Variants in LY75 observed in about 807,000 individuals in gnomAD.
The protein encoded by LY75 is C-type lectin domain family 13 member B.
Under a neutral mutation model 231.7 loss-of-function variants are expected in LY75, and 185 were observed. The ratio of observed to expected loss-of-function variants is 0.80; its 90% CI spans 0.71 to 0.90. The LOEUF (loss-of-function observed/expected upper bound fraction) is 0.90, where lower values mean the gene tolerates loss of function less well. Ranked by LOEUF, LY75 falls within the 40% of genes least tolerant of loss-of-function variation. LY75 has a pLI of 0.00. For missense variants in LY75, 1,947 were observed against 2,050.2 expected (o/e 0.95, Z 0.97); for synonymous variants, 668 against 689.0 (o/e 0.97, Z 0.48).
At chr2:159,880,463 T>C (rs1055645301) in intron 8 of LY75, among the ~76,000 whole-genome samples, 6 of 152,214 alleles carry the variant, frequency 3.9e-5, no homozygotes, top group African/African-American at 1.4e-4. Flanking sequence ...AATATCACAC[T>C]GATGGCAGAA....
chr2:159,879,216 T>C, intron 9 of LY75, 43 bp downstream of exon 9: 1 of 1,597,804 alleles, frequency 6.3e-7, no homozygotes, highest in Non-Finnish European at 8.5e-7. Context: ...AACCAAGAAG[T>C]TGTAATACTG....
chr2:159,884,151 C>G (rs180833846), intron 6 of LY75, among the ~76,000 whole-genome samples: 1 of 152,202 alleles, frequency 6.6e-6, no homozygotes, highest in East Asian at 1.9e-4. Flanking sequence ...TGCCACCATT[C>G]ATGTAAGATG....
Position 159,842,230 on chromosome 2 carries a change from GATA to G in LY75, c.3280+12_3280+14del, listed in dbSNP as rs1318351725. 1 of 1,604,478 alleles carries G rather than the reference GATA, an allele frequency of 6.2e-7. No individual in the cohort carries two copies. Among genetic ancestry groups the G allele is most frequent in the Non-Finnish European group, 8.5e-7 (1 of 1,175,268 alleles). On this transcript the variant is annotated intron_variant, in intron 24 of 34. Transcript: ENST00000263636. ...TAGCATAAAGTACCATAGTTATCTA[GATA>G]ATAATTGTTACCTGAATATTTCTGA...
At chr2:159,880,945 C>T in intron 8 of LY75, 138 bp downstream of exon 8, 3 of 1,049,034 alleles carry the variant, frequency 2.9e-6, no homozygotes, top group South Asian at 1.8e-5. Context: ...GGTAATGGTC[C>T]GTGGCTCTGT....
chr2:159,898,192 A>G (rs570870208), intron 2 of LY75, among the ~76,000 whole-genome samples: 11 of 152,292 alleles, frequency 7.2e-5, no homozygotes, highest in Admixed American at 3.9e-4. Context: ...TACACACTAC[A>G]GCCTTGAACT....
chr2:159,835,716 G>A, intron 25 of LY75, 71 bp from the exon 26 acceptor site: 2 of 1,549,210 alleles, frequency 1.3e-6, no homozygotes, highest in Non-Finnish European at 1.7e-6. Flanking sequence ...TGACTCCCAT[G>A]GTCAATCTAA....
intron 13 of LY75, among the ~76,000 whole-genome samples, chr2:159,868,784 T>C (rs971487357): frequency 6.6e-6 from 1 of 152,172 alleles, no homozygotes; most frequent in African/African-American, 2.4e-5. Context: ...TTGCTTGGAA[T>C]CTAGAGCTTA....
Position 159,890,277 on chromosome 2 carries a change from T to C in LY75, c.738A>G (p.Ser246=), listed in dbSNP as rs758258361. ...GTAAATCAGCTCCTTGATTCTGACA[T>C]GAAACATAAGCTTCTTTCCAAGAAA... is the stretch of plus-strand genomic sequence containing the variant. ...TALSWKEAYV[S]CQNQGADLLS... Residue 246 remains serine (S), a synonymous_variant, in exon 4 of 35, where the codon TCA becomes TCG. Transcript: ENST00000263636. 3.1e-6 allele frequency: 5 copies of C among 1,613,602 alleles called. No homozygotes were observed. Among genetic ancestry groups the C allele is most frequent in the Non-Finnish European group, 3.4e-6 (4 of 1,179,704 alleles).
chr2:159,827,469 A>G (rs996259628), intron 28 of LY75, among the ~76,000 whole-genome samples: 15 of 152,352 alleles, frequency 9.8e-5, no homozygotes, highest in African/African-American at 3.6e-4. Flanking sequence ...CAGGTGCTGG[A>G]GAGGATGTGG....
rs574913697 is a variant in LY75, at chr2:159,828,973, A to G, written c.3958+2697T>C. 3.3e-5 allele frequency among the ~76,000 whole-genome samples: 5 copies of G among 152,352 alleles called. No individual in the cohort carries two copies. In the South Asian group the frequency reaches 1.0e-3, roughly 32 times the overall value. ...ACATTCAGGCAATCTGTAGAGACAG[A>G]AAGTAGATCAGTGGTTGCTGAGGAC... On this transcript the variant is annotated intron_variant, in intron 28 of 34. Coordinates refer to ENST00000263636, the MANE Select transcript of LY75 (RefSeq NM_002349.4).
intron 25 of LY75, among the ~76,000 whole-genome samples, chr2:159,838,225 C>T (rs1683893758): frequency 6.6e-6 from 1 of 152,136 alleles, no homozygotes; most frequent in South Asian, 2.1e-4. Flanking sequence ...TCATTGCTTT[C>T]AATGTAAAGT....
chr2:159,846,708 C>T (rs73967944), intron 23 of LY75, among the ~76,000 whole-genome samples: 7,190 of 152,058 alleles, frequency 0.047, 521 homozygotes, highest in African/African-American at 0.16. Flanking sequence ...ATATTTTTGG[C>T]ATTCAGACTT....
At position 159,848,420 on chromosome 2, in the gene LY75, G is replaced by A. The variant is rs546744955; in HGVS notation, c.3150+1560C>T. On this transcript the variant is annotated intron_variant, in intron 23 of 34. Transcript: ENST00000263636. The stretch of plus-strand genomic sequence containing the variant: ...GGGACTTAGGAGGAAAGGATGGGAA[G>A]GGGGTGAGGGATAAAATACTACAAA... Among the ~76,000 whole-genome samples, 17 of 152,086 alleles carry A rather than the reference G, an allele frequency of 1.1e-4. No homozygotes were observed. The South Asian group carries it at 2.7e-3, about 24-fold the overall frequency.
chr2:159,857,214 C>T (rs1684573478), intron 16 of LY75, among the ~76,000 whole-genome samples: 1 of 152,128 alleles, frequency 6.6e-6, no homozygotes, highest in Non-Finnish European at 1.5e-5. Context: ...GACAGTTTGC[C>T]TTTGTGAAAG....
At chr2:159,897,673 C>T (rs1299296819) in intron 2 of LY75, among the ~76,000 whole-genome samples, 1 of 152,066 alleles carries the variant, frequency 6.6e-6, no homozygotes, top group Non-Finnish European at 1.5e-5. Context: ...AAGAAGAAAG[C>T]CACTGTAAAG....
At chr2:159,835,121 C>T (rs1683781054) in intron 26 of LY75, among the ~76,000 whole-genome samples, 1 of 152,178 alleles carries the variant, frequency 6.6e-6, no homozygotes, top group South Asian at 2.1e-4. Flanking sequence ...TCTTAAGACT[C>T]ATAAAAGTCC....
At chr2:159,887,180 T>A (rs1574594367) in intron 4 of LY75, among the ~76,000 whole-genome samples, 1 of 141,494 alleles carries the variant, frequency 7.1e-6, no homozygotes, top group East Asian at 2.1e-4. Flanking sequence ...AGGGTCCTGT[T>A]TAGACTAGAG....
intron 11 of LY75, among the ~76,000 whole-genome samples, chr2:159,875,960 G>T (rs933892720): frequency 2.0e-5 from 3 of 152,074 alleles, no homozygotes; most frequent in African/African-American, 7.2e-5. Flanking sequence ...TTGTGCCCAG[G>T]TGGTCTGTTT....
intron 3 of LY75, 135 bp downstream of exon 3, chr2:159,893,779 T>A (rs1025089179): frequency 7.5e-5 from 96 of 1,282,930 alleles, no homozygotes; most frequent in Non-Finnish European, 1.0e-4. Context: ...CTCTCTCTTC[T>A]CCTCCAAACA....
Sources: gnomAD v4.1 joint callset for allele counts (sites outside exome capture counted in the v4.1 genomes callset) on GRCh38, gnomAD v4.1.1 for gene constraint, MANE v1.5 for transcripts, NCBI Gene and HGNC (gene_info 2026-07-23, HGNC 2026-07-21) for gene names.